Variants in PSD4 observed in about 807,000 individuals in gnomAD.
PSD4 encodes the protein pleckstrin and Sec7 domain containing 4.
PSD4 carries 59 observed loss-of-function variants against 112.5 expected under a neutral mutation model. The ratio of observed to expected loss-of-function variants is 0.52; its 90% CI spans 0.43 to 0.65. PSD4 has a LOEUF of 0.65. Among genes scored for constraint, PSD4 ranks in the 30% least tolerant of loss-of-function variants. The probability of loss-of-function intolerance (pLI) is 0.00; values close to 1 mark genes in which losing one functional copy is unlikely to be tolerated. For synonymous variants in PSD4, 533 were observed against 540.0 expected (o/e 0.99, Z 0.18); for missense variants, 1,267 against 1,352.6 (o/e 0.94, Z 0.99).
intron 5 of PSD4, among the ~76,000 whole-genome samples, chr2:113,189,141 T>C (rs1466150095): frequency 1.3e-5 from 2 of 152,186 alleles, no homozygotes; most frequent in Non-Finnish European, 2.9e-5. Context: ...TTCCCACTTA[T>C]GAGTGAGAAC....
Position 113,200,029 on chromosome 2 carries a change from T to G in PSD4, c.2913+803T>G, listed in dbSNP as rs1204123205. The stretch of plus-strand genomic sequence containing the variant: ...TTAGTAGAGACAGGGGTTCACCATG[T>G]TGGCAAAGCTGGACTTGAACTCCTG... On this transcript the variant is annotated intron_variant, in intron 16 of 16. Transcript: ENST00000245796. Among the ~76,000 whole-genome samples, 5 of 152,152 alleles carry G rather than the reference T, an allele frequency of 3.3e-5. No individual in the cohort carries two copies. The East Asian group carries it at 9.6e-4, about 29-fold the overall frequency.
At position 113,183,336 on chromosome 2, in the gene PSD4, GAC is replaced by G. The variant is rs778113135; in HGVS notation, c.884_885del (p.Thr295SerfsTer8). ...PATLEPPLPEDTVLWELESEP... is the reference protein window; with the variant it reads ...PATLEPPLPEXTVLWELESEP... The stretch of plus-strand genomic sequence containing the variant: ...GACTCTGGAGCCTCCCCTCCCAGAA[GAC>G]ACAGTGCTGTGGGAGCTGGAAAGTG... On this transcript the variant is annotated frameshift_variant, in exon 2 of 17. Coordinates refer to ENST00000245796, the MANE Select transcript of PSD4 (RefSeq NM_012455.3). LOFTEE classifies it high-confidence loss of function. 6.2e-7 allele frequency: 1 copy of G among 1,602,382 alleles called. No individual in the cohort carries two copies. Among genetic ancestry groups the G allele is most frequent in the Non-Finnish European group, 8.5e-7 (1 of 1,173,444 alleles).
intron 2 of PSD4, 79 bp from the exon 3 acceptor site, chr2:113,184,878 T>A: frequency 1.3e-6 from 2 of 1,582,326 alleles, no homozygotes; most frequent in Non-Finnish European, 1.7e-6. Context: ...TCATGGGATT[T>A]GAGAAAGGCC....
intron 5 of PSD4, among the ~76,000 whole-genome samples, chr2:113,190,991 G>A (rs1158293822): frequency 6.6e-6 from 1 of 152,136 alleles, no homozygotes; most frequent in Admixed American, 6.5e-5. Context: ...CTTCTATTTT[G>A]GGTTGGGTGA....
At chr2:113,198,705 G>T (rs763338677) in intron 14 of PSD4, 35 bp from the exon 15 acceptor site, 4 of 1,510,512 alleles carry the variant, frequency 2.6e-6, no homozygotes, top group Non-Finnish European at 3.5e-6. Context: ...GACGGACTCT[G>T]TGTCCCCGGG....
intron 8 of PSD4, 85 bp from the exon 9 acceptor site, chr2:113,193,507 T>C: frequency 6.6e-7 from 1 of 1,518,058 alleles, no homozygotes; most frequent in Non-Finnish European, 9.1e-7. Flanking sequence ...CAGGGGTTAT[T>C]CGGTTACCCC....
chr2:113,184,977 T>G lies in PSD4; in HGVS notation c.1077T>G (p.Ala359=). Residue 359 remains alanine (A), a synonymous_variant, in exon 3 of 17, where the codon GCT becomes GCG. Coordinates refer to ENST00000245796, the MANE Select transcript of PSD4 (RefSeq NM_012455.3). The part of the protein sequence containing the change: ...GESEGDRLGP[A]PSAAPCVDEA... ...CTCAGGGAGATAGGCTTGGTCCTGC[T>G]CCATCTGCAGCACCGTGTGTGGACG... is the stretch of plus-strand genomic sequence containing the variant. The G allele has an allele frequency of 1.9e-6, 3 of 1,614,198 alleles. No individual in the cohort carries two copies. Among genetic ancestry groups the G allele is most frequent in the Non-Finnish European group, 2.5e-6 (3 of 1,180,018 alleles).
At position 113,201,486 on chromosome 2, in the gene PSD4, CTT is replaced by C. The variant is rs1330196896; in HGVS notation, c.*72_*73del. ...CTGAGATGAACCTCCCTGGAGGAGACTTATTTCAATGAGTCCACCATGACGGA... is the reference window on the plus strand; with the variant it reads ...CTGAGATGAACCTCCCTGGAGGAGACATTTCAATGAGTCCACCATGACGGA... On this transcript the variant is annotated 3_prime_UTR_variant, in exon 17 of 17. Coordinates refer to ENST00000245796, the MANE Select transcript of PSD4 (RefSeq NM_012455.3). 3 of 1,567,992 alleles carry C rather than the reference CTT, an allele frequency of 1.9e-6. No homozygotes were observed. The African/African-American group carries it at 4.0e-5, about 21-fold the overall frequency.
At chr2:113,184,372 ACTTT>A (rs1164607631) in intron 2 of PSD4, among the ~76,000 whole-genome samples, 4 of 138,088 alleles carry the variant, frequency 2.9e-5, no homozygotes, top group Non-Finnish European at 4.6e-5. Flanking sequence ...TTTTCTCAGG[ACTTT>A]CTTTTTTTTT....
intron 16 of PSD4, 47 bp downstream of exon 16, chr2:113,199,273 G>C: frequency 7.2e-7 from 1 of 1,397,938 alleles, no homozygotes; most frequent in Non-Finnish European, 9.2e-7. Flanking sequence ...CGCCCTCTCC[G>C]CCCTCTCGTG....
At chr2:113,176,825 G>C (rs892929799) in intron 1 of PSD4, among the ~76,000 whole-genome samples, 1 of 152,194 alleles carries the variant, frequency 6.6e-6, no homozygotes, top group African/African-American at 2.4e-5. Flanking sequence ...TGCCTAGAGG[G>C]TGCCATCCTA....
chr2:113,199,601 T>TC (rs1688719461), intron 16 of PSD4, among the ~76,000 whole-genome samples: 1 of 137,356 alleles, frequency 7.3e-6, no homozygotes, highest in African/African-American at 3.1e-5. Context: ...AACTGTTCCT[T>TC]CTAATACCTA....
At chr2:113,176,424 A>AC (rs1280475835) in intron 1 of PSD4, among the ~76,000 whole-genome samples, 1 of 151,888 alleles carries the variant, frequency 6.6e-6, no homozygotes, top group Non-Finnish European at 1.5e-5. Context: ...AGAAACATAC[A>AC]CCCCCTCCCC....
chr2:113,182,692 T>A lies in PSD4; in HGVS notation c.236T>A (p.Val79Asp), dbSNP rs1003088407. 6.3e-7 allele frequency: 1 copy of A among 1,599,054 alleles called. No individual in the cohort carries two copies. The highest frequency in any genetic ancestry group is 1.4e-5 in the African/African-American group (1 of 69,744). ...GAGCTCACACACCTGGGGAGCTGGG[T>A]CCATCAGGACGGGCTGGAGCCTTGC... ...GVELTHLGSW[V>D]HQDGLEPCQE... The change falls in exon 2 of 17, where the codon GTC (valine) becomes GAC (aspartate). Residue 79 changes from valine to aspartate, a missense_variant. Coordinates refer to ENST00000245796, the MANE Select transcript of PSD4 (RefSeq NM_012455.3).
At chr2:113,192,278 C>G in intron 5 of PSD4, 102 bp from the exon 6 acceptor site, 2 of 1,143,456 alleles carry the variant, frequency 1.7e-6, no homozygotes, top group Non-Finnish European at 2.6e-6. Flanking sequence ...CTGGGTCCAG[C>G]TCCTCCGGGC....
At chr2:113,178,805 T>C (rs1688046044) in intron 1 of PSD4, among the ~76,000 whole-genome samples, 1 of 151,338 alleles carries the variant, frequency 6.6e-6, no homozygotes, top group Non-Finnish European at 1.5e-5. Context: ...ATGTGTGGAG[T>C]TGGGTGAATG....
At chr2:113,200,878 T>G (rs1416303805) in intron 16 of PSD4, among the ~76,000 whole-genome samples, 1 of 152,170 alleles carries the variant, frequency 6.6e-6, no homozygotes, top group African/African-American at 2.4e-5. Context: ...GCCTCAAAGA[T>G]GGAACATGGC....
In PSD4 at chr2:113,197,645, A is replaced by T; in HGVS notation, c.2457+11A>T. ...CTCTACTTCCTGAAGGTAGGAAAGGAGCCAACACCCCTGTCAGAATGGGAG... is the reference window on the plus strand; with the variant it reads ...CTCTACTTCCTGAAGGTAGGAAAGGTGCCAACACCCCTGTCAGAATGGGAG... On this transcript the variant is annotated intron_variant, in intron 13 of 16. Coordinates refer to ENST00000245796, the MANE Select transcript of PSD4 (RefSeq NM_012455.3). The T allele has an allele frequency of 6.2e-7, 1 of 1,614,186 alleles. No homozygotes were observed. The highest frequency in any genetic ancestry group is 8.5e-7 in the Non-Finnish European group (1 of 1,180,008).
chr2:113,180,902 A>G (rs1688114674), intron 1 of PSD4, among the ~76,000 whole-genome samples: 2 of 152,144 alleles, frequency 1.3e-5, no homozygotes, highest in South Asian at 4.1e-4. Context: ...GTGAGTGAAG[A>G]AAATGAGGCA....
Sources: gnomAD v4.1 joint callset for allele counts (sites outside exome capture counted in the v4.1 genomes callset) on GRCh38, gnomAD v4.1.1 for gene constraint, MANE v1.5 for transcripts, NCBI Gene and HGNC (gene_info 2026-07-23, HGNC 2026-07-21) for gene names.